The following GFPT1 variants were observed in gnomAD, a reference collection of about 807,000 sequenced individuals.
GFPT1 encodes glutamine--fructose-6-phosphate aminotransferase [isomerizing] 1.
Under a neutral mutation model 92.0 loss-of-function variants are expected in GFPT1, and 40 were observed. That is an observed-to-expected ratio of 0.43 (90% CI 0.34 to 0.57). The LOEUF (loss-of-function observed/expected upper bound fraction) is 0.57, where lower values mean the gene tolerates loss of function less well. GFPT1 is among the 20% of genes least tolerant of loss of function. The pLI is 0.02. For synonymous variants in GFPT1, 269 were observed against 280.6 expected, an observed-to-expected ratio of 0.96 and a Z score of 0.41; for missense variants, 448 against 869.1, an observed-to-expected ratio of 0.52 and a Z score of 6.09.
intron 11 of GFPT1, among the ~76,000 whole-genome samples, chr2:69,347,753 G>C (rs1671118693): frequency 6.6e-6 from 1 of 152,112 alleles, no homozygotes; most frequent in South Asian, 2.1e-4. Context: ...AAAGTGCTAA[G>C]ATTACAGGTG....
At chr2:69,346,993 T>C (rs1671098565) in intron 11 of GFPT1, among the ~76,000 whole-genome samples, 1 of 152,076 alleles carries the variant, frequency 6.6e-6, no homozygotes, top group Middle Eastern at 3.2e-3. Flanking sequence ...CACTGCAACC[T>C]CTGCCTCCTG....
rs566601910 is a variant in GFPT1, at chr2:69,364,621, A to G, written c.224-951T>C. ...CTATGGAGTGCCTCCAAAATCAAAT[A>G]GGTATTTAAGAACCGAGCAATGCTA... On this transcript the variant is annotated intron_variant, in intron 3 of 19. Coordinates refer to ENST00000357308, the MANE Select transcript of GFPT1 (RefSeq NM_001244710.2). Among the ~76,000 whole-genome samples, 3 of 152,374 alleles carry G rather than the reference A, an allele frequency of 2.0e-5. No homozygotes were observed. In the South Asian group the frequency reaches 6.2e-4, roughly 32 times the overall value.
intron 15 of GFPT1, among the ~76,000 whole-genome samples, chr2:69,333,339 C>G (rs1287034173): frequency 6.6e-6 from 1 of 152,196 alleles, no homozygotes. Context: ...CTGAAACCAT[C>G]TGAACACTAG....
intron 15 of GFPT1, among the ~76,000 whole-genome samples, chr2:69,334,082 G>A (rs1670737720): frequency 6.6e-6 from 1 of 152,152 alleles, no homozygotes; most frequent in Non-Finnish European, 1.5e-5. Context: ...CTTGAAACCG[G>A]AGGGCGGAAG....
intron 15 of GFPT1, among the ~76,000 whole-genome samples, chr2:69,333,112 T>C (rs933828121): frequency 6.6e-6 from 1 of 152,192 alleles, no homozygotes; most frequent in Non-Finnish European, 1.5e-5. Flanking sequence ...CACATCTATA[T>C]TCTAAATTCC....
chr2:69,374,193 A>C, intron 1 of GFPT1, 80 bp from the exon 2 acceptor site: 1 of 731,900 alleles, frequency 1.4e-6, no homozygotes, highest in Non-Finnish European at 2.4e-6. Context: ...TATGTGAAAA[A>C]ACGTGAAGTT....
At chr2:69,383,526 A>G (rs1672058895) in intron 1 of GFPT1, among the ~76,000 whole-genome samples, 1 of 152,218 alleles carries the variant, frequency 6.6e-6, no homozygotes, top group African/African-American at 2.4e-5. Flanking sequence ...AAACTTTTGA[A>G]AAATTCATTT....
In GFPT1 at chr2:69,320,296, A is replaced by T. The variant is rs1231657884; in HGVS notation, c.*5893T>A. ...AGAACCAAGGAGTTATACCCAGTTC[A>T]CAATACTGTTTCCTTCACTTGCCCT... On this transcript the variant is annotated 3_prime_UTR_variant, in exon 20 of 20. Coordinates refer to ENST00000357308, the MANE Select transcript of GFPT1 (RefSeq NM_001244710.2). 1.3e-5 allele frequency: 2 copies of T among 152,252 alleles called. No individual in the cohort carries two copies. Among genetic ancestry groups the T allele is most frequent in the African/African-American group, 4.8e-5 (2 of 41,474 alleles). 9.4% of individuals were successfully genotyped at this position (152,252 alleles called of 1,614,324 possible).
At chr2:69,358,141 T>A (rs1228635525) in intron 6 of GFPT1, among the ~76,000 whole-genome samples, 188 bp downstream of exon 6, 1 of 152,144 alleles carries the variant, frequency 6.6e-6, no homozygotes, top group Non-Finnish European at 1.5e-5. Context: ...AAGTAGAATT[T>A]TAAATGGAGG....
At chr2:69,342,975 G>A (rs191961559) in intron 12 of GFPT1, among the ~76,000 whole-genome samples, 147 of 152,184 alleles carry the variant, frequency 9.7e-4, no homozygotes, top group Middle Eastern at 3.4e-3. Flanking sequence ...CTCCCTGGAC[G>A]ACAGCAACAT....
chr2:69,329,046 T>C (rs1670598169), intron 17 of GFPT1, among the ~76,000 whole-genome samples: 1 of 152,170 alleles, frequency 6.6e-6, no homozygotes, highest in Admixed American at 6.6e-5. Context: ...TTAATCTTTA[T>C]TCATATTTGA....
chr2:69,337,189 C>T (rs958777589), intron 15 of GFPT1, among the ~76,000 whole-genome samples: 6 of 151,826 alleles, frequency 4.0e-5, no homozygotes, highest in Admixed American at 2.0e-4. Context: ...CTCAGCCTCC[C>T]GGGTATGCTG....
At chr2:69,357,572 T>G (rs892474211) in intron 6 of GFPT1, among the ~76,000 whole-genome samples, 1 of 152,208 alleles carries the variant, frequency 6.6e-6, no homozygotes, top group Non-Finnish European at 1.5e-5. Flanking sequence ...ATTCTCCATC[T>G]TCCTGCTTCC....
intron 1 of GFPT1, among the ~76,000 whole-genome samples, chr2:69,379,688 C>T (rs930742408): frequency 2.6e-5 from 4 of 151,798 alleles, no homozygotes; most frequent in African/African-American, 9.7e-5. Context: ...CAGGCACATG[C>T]TAATGTGCCT....
At position 69,325,907 on chromosome 2, in the gene GFPT1, T is replaced by A. The variant is rs960957343; in HGVS notation, c.*282A>T. 4 of 355,384 alleles carry A rather than the reference T, an allele frequency of 1.1e-5. No homozygotes were observed. Among genetic ancestry groups the A allele is most frequent in the Admixed American group, 8.7e-5 (2 of 23,070 alleles). The allele number at this position is 355,384 out of a possible 1,614,324, so 22.0% of individuals were successfully genotyped here. On this transcript the variant is annotated 3_prime_UTR_variant, in exon 20 of 20. Coordinates refer to ENST00000357308, the MANE Select transcript of GFPT1 (RefSeq NM_001244710.2). Reference sequence around the variant, plus strand: ...CAGATTGAAGTGGAGGGTCCAGAAATGCAACACCCAGCATTCTTTAAAGAA... The same window carrying A: ...CAGATTGAAGTGGAGGGTCCAGAAAAGCAACACCCAGCATTCTTTAAAGAA...
chr2:69,330,751 A>G (rs539458337), intron 15 of GFPT1, among the ~76,000 whole-genome samples: 1 of 152,296 alleles, frequency 6.6e-6, no homozygotes, highest in East Asian at 1.9e-4. Flanking sequence ...AAAATTAATT[A>G]GCAGGTACAA....
chr2:69,341,906 G>T (rs1229876245), intron 13 of GFPT1, among the ~76,000 whole-genome samples: 2 of 151,990 alleles, frequency 1.3e-5, no homozygotes, highest in East Asian at 3.8e-4. Flanking sequence ...TCCCCCTCTT[G>T]GCCTTTCATG....
At chr2:69,368,138 C>G (rs1671654785) in intron 3 of GFPT1, among the ~76,000 whole-genome samples, 1 of 152,164 alleles carries the variant, frequency 6.6e-6, no homozygotes, top group Non-Finnish European at 1.5e-5. Flanking sequence ...AATCCCAGCA[C>G]TTGGGAGGCC....
chr2:69,370,022 C>A lies in GFPT1; in HGVS notation c.202G>T (p.Ala68Ser). 1 of 1,591,550 alleles carries A rather than the reference C, an allele frequency of 6.3e-7. No homozygotes were observed. Among genetic ancestry groups the A allele is most frequent in the Non-Finnish European group, 8.6e-7 (1 of 1,159,470 alleles). ...QLIKKKGKVKALDEEVHKQQD... is the reference protein window; with the variant it reads ...QLIKKKGKVKSLDEEVHKQQD... ...TTACTGTGAACTTCTTCATCCAGTG[C>A]CTTAACTTTTCCTTTCTTCTTAATA... The change falls in exon 3 of 20, where the codon GCA becomes TCA. Residue 68 changes from alanine (A) to serine (S), a missense_variant. Transcript: ENST00000357308.
Sources: gnomAD v4.1 joint callset for allele counts (sites outside exome capture counted in the v4.1 genomes callset) on GRCh38, gnomAD v4.1.1 for gene constraint, MANE v1.5 for transcripts, NCBI Gene and HGNC (gene_info 2026-07-23, HGNC 2026-07-21) for gene names.